The following TAFA1 variants were observed in gnomAD, a reference collection of about 807,000 sequenced individuals.
The protein encoded by TAFA1 is chemokine-like protein TAFA-1.
TAFA1 carries 4 observed loss-of-function variants against 18.5 expected under a neutral mutation model. The ratio of observed to expected loss-of-function variants is 0.22; its 90% CI spans 0.11 to 0.49. The LOEUF (loss-of-function observed/expected upper bound fraction) is 0.49, where lower values mean the gene tolerates loss of function less well. TAFA1 is among the 20% of genes least tolerant of loss of function. TAFA1 has a pLI of 0.98. For synonymous variants in TAFA1, 56 were observed against 55.2 expected (o/e 1.01, Z -0.06); for missense variants, 147 against 169.0 (o/e 0.87, Z 0.72).
chr3:68,305,435 A>ATG (rs2068396538), intron 2 of TAFA1, among the ~76,000 whole-genome samples: 1 of 113,984 alleles, frequency 8.8e-6, no homozygotes, highest in African/African-American at 3.3e-5. Flanking sequence ...ATATATATAT[A>ATG]TATATATATA....
At chr3:68,009,302 G>A (rs1704425093) in intron 2 of TAFA1, among the ~76,000 whole-genome samples, 1 of 152,104 alleles carries the variant, frequency 6.6e-6, no homozygotes, top group African/African-American at 2.4e-5. Context: ...TTTCATTGGG[G>A]GTTATGTATA....
chr3:68,116,571 G>T (rs1378153292), intron 2 of TAFA1, among the ~76,000 whole-genome samples: 1 of 152,082 alleles, frequency 6.6e-6, no homozygotes, highest in Non-Finnish European at 1.5e-5. Flanking sequence ...TTGACCAGAG[G>T]TCTCACCTGG....
intron 2 of TAFA1, among the ~76,000 whole-genome samples, chr3:68,029,988 A>T (rs1416918026): frequency 2.0e-5 from 3 of 152,160 alleles, no homozygotes; most frequent in Non-Finnish European, 4.4e-5. Context: ...AGATCCTATG[A>T]TCAGAACCTC....
rs7624033 is a variant in TAFA1 at position 68,324,035 on chromosome 3, G to A, written c.119-93245G>A. Among the ~76,000 whole-genome samples, 1,026 of 152,248 alleles carry A rather than the reference G, an allele frequency of 6.7e-3. 10 individuals carry two copies. Among genetic ancestry groups the A allele is most frequent in the African/African-American group, 0.024 (987 of 41,546 alleles). On this transcript the variant is annotated intron_variant, in intron 2 of 4. Transcript: ENST00000478136. Reference sequence around the variant, plus strand: ...CTTTATTTTGTATTTTTCTTAAAGAGCCTCCACCATCTCCAAATTGTAGTA... The same window carrying A: ...CTTTATTTTGTATTTTTCTTAAAGAACCTCCACCATCTCCAAATTGTAGTA...
intron 3 of TAFA1, among the ~76,000 whole-genome samples, chr3:68,419,026 T>C (rs1181795230): frequency 1.3e-5 from 2 of 152,166 alleles, no homozygotes. Context: ...TAAGATGGCT[T>C]GTTCACATGG....
intron 2 of TAFA1, among the ~76,000 whole-genome samples, chr3:68,298,385 G>C (rs757987769): frequency 6.6e-6 from 1 of 152,164 alleles, no homozygotes; most frequent in African/African-American, 2.4e-5. Flanking sequence ...AAGCCATTTG[G>C]GGAGGGGACA....
At chr3:68,092,793 G>A (rs546902226) in intron 2 of TAFA1, among the ~76,000 whole-genome samples, 137 of 152,200 alleles carry the variant, frequency 9.0e-4, no homozygotes, top group South Asian at 3.3e-3. Context: ...AATAAAATCA[G>A]CAGCCCCCAT....
intron 2 of TAFA1, among the ~76,000 whole-genome samples, chr3:68,311,613 G>T (rs1376567365): frequency 2.0e-5 from 3 of 152,258 alleles, no homozygotes; most frequent in Non-Finnish European, 4.4e-5. Flanking sequence ...TTGACTCCAT[G>T]TCTCACATTC....
chr3:68,153,692 T>C (rs1452962221), intron 2 of TAFA1, among the ~76,000 whole-genome samples: 1 of 152,122 alleles, frequency 6.6e-6, no homozygotes, highest in Non-Finnish European at 1.5e-5. Flanking sequence ...ATCCATGGTG[T>C]TCTCATGGCT....
At chr3:68,192,010 T>C (rs2066347464) in intron 2 of TAFA1, among the ~76,000 whole-genome samples, 1 of 151,832 alleles carries the variant, frequency 6.6e-6, no homozygotes. Flanking sequence ...TTGGTTTATC[T>C]GCTTTTGCTT....
chr3:68,226,273 A>G (rs1156720761), intron 2 of TAFA1, among the ~76,000 whole-genome samples: 2 of 152,198 alleles, frequency 1.3e-5, no homozygotes, highest in Non-Finnish European at 2.9e-5. Flanking sequence ...ATATGCTCCA[A>G]AGTGTCTGAT....
chr3:68,504,038 A>G (rs748663495), intron 3 of TAFA1, among the ~76,000 whole-genome samples: 1 of 152,060 alleles, frequency 6.6e-6, no homozygotes, highest in Non-Finnish European at 1.5e-5. Context: ...GCTTTTTTGG[A>G]GGATTATATA....
intron 2 of TAFA1, among the ~76,000 whole-genome samples, chr3:68,018,801 T>C (rs746081140): frequency 1.2e-4 from 19 of 152,240 alleles, no homozygotes; most frequent in Non-Finnish European, 2.8e-4. Context: ...GTTAATGGAT[T>C]TGTTTAAGGT....
intron 2 of TAFA1, among the ~76,000 whole-genome samples, chr3:68,167,729 C>A: frequency 6.6e-6 from 1 of 151,964 alleles, no homozygotes; most frequent in South Asian, 2.1e-4. Flanking sequence ...GTTTGAGAAC[C>A]ACTGTACCAA....
chr3:68,406,065 G>C (rs1042018419), intron 2 of TAFA1, among the ~76,000 whole-genome samples: 1 of 152,094 alleles, frequency 6.6e-6, no homozygotes, highest in South Asian at 2.1e-4. Context: ...TTACAGGGAC[G>C]AGGGCTTAGA....
intron 2 of TAFA1, among the ~76,000 whole-genome samples, chr3:68,054,188 G>A (rs2106709810): frequency 6.6e-6 from 1 of 152,288 alleles, no homozygotes; most frequent in South Asian, 2.1e-4. Context: ...AGTGTTGGAA[G>A]ATGAGGCCTA....
intron 3 of TAFA1, among the ~76,000 whole-genome samples, chr3:68,455,009 T>A (rs186029504): frequency 1.3e-5 from 2 of 152,188 alleles, no homozygotes; most frequent in African/African-American, 2.4e-5. Flanking sequence ...GGAAGCTTCA[T>A]TGATAACATA....
rs900408373 is a variant in TAFA1 at position 68,111,815 on chromosome 3, G to A, written c.118+105071G>A. Among the ~76,000 whole-genome samples, 4 of 151,588 alleles carry A rather than the reference G, an allele frequency of 2.6e-5. No individual in the cohort carries two copies. The East Asian group carries it at 7.7e-4, about 29-fold the overall frequency. On this transcript the variant is annotated intron_variant, in intron 2 of 4. Transcript: ENST00000478136. ...GAGAGAGAGAGAGAAGAAATGTAGGGCAGGACAAATTCTTGGTAGATTGTT... is the reference window on the plus strand; with the variant it reads ...GAGAGAGAGAGAGAAGAAATGTAGGACAGGACAAATTCTTGGTAGATTGTT...
intron 2 of TAFA1, among the ~76,000 whole-genome samples, chr3:68,282,286 A>G (rs983321224): frequency 6.6e-6 from 1 of 152,120 alleles, no homozygotes; most frequent in Non-Finnish European, 1.5e-5. Context: ...CTCTCTTTTC[A>G]TTCTTGATGA....
Sources: gnomAD v4.1 joint callset for allele counts (sites outside exome capture counted in the v4.1 genomes callset) on GRCh38, gnomAD v4.1.1 for gene constraint, MANE v1.5 for transcripts, NCBI Gene and HGNC (gene_info 2026-07-23, HGNC 2026-07-21) for gene names.